Variants in FLT1 observed in about 807,000 individuals in gnomAD.
The protein encoded by FLT1 is vascular endothelial growth factor receptor 1.
A neutral mutation model predicts 156.3 loss-of-function variants in FLT1; 49 were observed. The ratio of observed to expected loss-of-function variants is 0.31; its 90% confidence interval spans 0.25 to 0.40. FLT1 has a LOEUF of 0.40. FLT1 is among the 10% of genes least tolerant of loss of function. The pLI, the probability that FLT1 is intolerant of heterozygous loss-of-function variation, is 1.00. For missense variants in FLT1, 1,322 were observed against 1,637.2 expected (o/e 0.81, Z 3.32); for synonymous variants, 594 against 583.8 (o/e 1.02, Z -0.25).
intron 17 of FLT1, 120 bp downstream of exon 17, chr13:28,339,048 G>A (rs1872226130): frequency 4.7e-6 from 4 of 859,782 alleles, no homozygotes; most frequent in Admixed American, 2.3e-5. Context: ...TTGCTAGTCT[G>A]TGAGCAGCTG....
chr13:28,371,182 G>T (rs905919410), intron 14 of FLT1, among the ~76,000 whole-genome samples: 9 of 151,946 alleles, frequency 5.9e-5, no homozygotes, highest in Non-Finnish European at 1.0e-4. Flanking sequence ...TCCCATATAA[G>T]CCCACTACCA....
Position 28,301,677 on chromosome 13 carries a change from T to A in FLT1, c.*1490A>T. On this transcript the variant is annotated 3_prime_UTR_variant, in exon 30 of 30. Coordinates refer to ENST00000282397, the MANE Select transcript of FLT1 (RefSeq NM_002019.4). ...ATAAATACATAGACCCTAACTTGCA[T>A]AAATAGCATCAAACAGAGCCAGCTT... 4.3e-6 allele frequency: 1 copy of A among 233,156 alleles called. No homozygotes were observed. Among genetic ancestry groups the A allele is most frequent in the Admixed American group, 5.6e-5 (1 of 17,784 alleles). 14.4% of individuals were successfully genotyped at this position (233,156 alleles called of 1,614,324 possible).
At chr13:28,342,799 C>G (rs972486894) in intron 16 of FLT1, among the ~76,000 whole-genome samples, 2 of 152,176 alleles carry the variant, frequency 1.3e-5, no homozygotes, top group African/African-American at 2.4e-5. Flanking sequence ...ACATAAAGAG[C>G]TTCCCATAAG....
At chr13:28,493,676 C>T (rs867938773) in intron 1 of FLT1, among the ~76,000 whole-genome samples, 5 of 152,322 alleles carry the variant, frequency 3.3e-5, no homozygotes, top group African/African-American at 1.2e-4. Flanking sequence ...GCTCTCTGCG[C>T]CCAGGGGAAC....
intron 10 of FLT1, among the ~76,000 whole-genome samples, chr13:28,414,586 C>T (rs1434379822): frequency 6.6e-6 from 1 of 152,312 alleles, no homozygotes; most frequent in East Asian, 1.9e-4. Context: ...GGAAACAAAT[C>T]ATTAATGTTA....
At chr13:28,417,702 A>G (rs1049622854) in intron 10 of FLT1, among the ~76,000 whole-genome samples, 8 of 143,772 alleles carry the variant, frequency 5.6e-5, no homozygotes, top group South Asian at 2.2e-4. Flanking sequence ...GGGTCCTGCT[A>G]TGTTGCCCAG....
chr13:28,368,057 A>G (rs1873366746), intron 14 of FLT1: 2 of 589,750 alleles, frequency 3.4e-6, no homozygotes, highest in Non-Finnish European at 4.3e-6. Context: ...CATTTTCTCT[A>G]GAATATAATA....
chr13:28,488,948 C>G lies in FLT1; in HGVS notation c.64+5832G>C, dbSNP rs17553416. ...CCCTAAAATTTGAGGACTCTGTTCT[C>G]TCTAAAAATTGTATAACACGCTGCA... On this transcript the variant is annotated intron_variant, in intron 1 of 29. Transcript: ENST00000282397. Among the ~76,000 whole-genome samples the G allele has an allele frequency of 3.9e-5, 6 of 152,288 alleles. No individual in the cohort carries two copies. In the South Asian group the frequency reaches 1.2e-3, roughly 32 times the overall value.
chr13:28,403,244 A>G (rs1235303231), intron 11 of FLT1, among the ~76,000 whole-genome samples: 2 of 152,070 alleles, frequency 1.3e-5, no homozygotes, highest in African/African-American at 4.8e-5. Context: ...TCGTAGTTTG[A>G]CTCCAGGGCT....
At chr13:28,440,724 T>C (rs182151678) in intron 3 of FLT1, among the ~76,000 whole-genome samples, 40 of 152,306 alleles carry the variant, frequency 2.6e-4, no homozygotes, top group Non-Finnish European at 5.0e-4. Flanking sequence ...GAAATCATTA[T>C]ACCCTCTGTG....
At position 28,473,684 on chromosome 13, in the gene FLT1, A is replaced by G. The variant is rs549096500; in HGVS notation, c.65-6067T>C. ...AAGAAAGAAAGAAAGAGAGAGAGAG[A>G]GAGAGAGAGAAAGAAAAGAAAGAAA... On this transcript the variant is annotated intron_variant, in intron 1 of 29. Coordinates refer to ENST00000282397, the MANE Select transcript of FLT1 (RefSeq NM_002019.4). Among the ~76,000 whole-genome samples the G allele has an allele frequency of 3.0e-3, 454 of 148,898 alleles. 5 individuals carry two copies. The highest frequency in any genetic ancestry group is 4.8e-3 in the Non-Finnish European group (326 of 67,266).
At chr13:28,466,716 T>C (rs1013405832) in intron 3 of FLT1, 187 bp downstream of exon 3, 1 of 683,892 alleles carries the variant, frequency 1.5e-6, no homozygotes, top group Admixed American at 2.0e-5. Flanking sequence ...ACATAGTGAC[T>C]AACTGGGCCT....
chr13:28,430,302 C>A, intron 7 of FLT1, 135 bp from the exon 8 acceptor site: 1 of 697,192 alleles, frequency 1.4e-6, no homozygotes, highest in Admixed American at 2.1e-5. Flanking sequence ...ATCAATGAGC[C>A]CAAATGTTGA....
chr13:28,493,474 A>T (rs1198483086), intron 1 of FLT1, among the ~76,000 whole-genome samples: 1 of 152,180 alleles, frequency 6.6e-6, no homozygotes, highest in Non-Finnish European at 1.5e-5. Context: ...CTTCCCACTG[A>T]GAAAGAATAT....
intron 1 of FLT1, among the ~76,000 whole-genome samples, chr13:28,479,721 G>C (rs566578734): frequency 6.6e-6 from 1 of 152,178 alleles, no homozygotes; most frequent in Non-Finnish European, 1.5e-5. Context: ...AGACTTTAGC[G>C]TTGTTTGTAT....
intron 14 of FLT1, among the ~76,000 whole-genome samples, chr13:28,378,669 A>G (rs1173288672): frequency 6.6e-6 from 1 of 152,200 alleles, no homozygotes; most frequent in Non-Finnish European, 1.5e-5. Context: ...CAAACCTCAC[A>G]GAATTGTAAT....
chr13:28,446,586 T>C (rs1252421328), intron 3 of FLT1, among the ~76,000 whole-genome samples: 1 of 152,190 alleles, frequency 6.6e-6, no homozygotes, highest in Non-Finnish European at 1.5e-5. Context: ...TAGGAATATA[T>C]TTAACAAAAG....
chr13:28,373,592 A>G (rs1255917960), intron 14 of FLT1, among the ~76,000 whole-genome samples: 1 of 152,202 alleles, frequency 6.6e-6, no homozygotes, highest in Non-Finnish European at 1.5e-5. Context: ...GACATGTAAA[A>G]TGGAAAAAGT....
At chr13:28,420,539 C>T (rs1262209378) in intron 10 of FLT1, among the ~76,000 whole-genome samples, 1 of 152,162 alleles carries the variant, frequency 6.6e-6, no homozygotes, top group African/African-American at 2.4e-5. Flanking sequence ...ACCGTATTTC[C>T]AAAAGAAGAG....
Sources: gnomAD v4.1 joint callset for allele counts (sites outside exome capture counted in the v4.1 genomes callset) on GRCh38, gnomAD v4.1.1 for gene constraint, MANE v1.5 for transcripts, NCBI Gene and HGNC (gene_info 2026-07-23, HGNC 2026-07-21) for gene names.